The following NXPE2 variants were observed in gnomAD, a reference collection of about 807,000 sequenced individuals.
The protein encoded by NXPE2 is neurexophilin and PC-esterase domain family member 2, also known as NXPE family member 2.
NXPE2 carries 34 observed loss-of-function variants against 34.4 expected under a neutral mutation model. The ratio of observed to expected loss-of-function variants is 0.99; its 90% CI spans 0.75 to 1.31. The LOEUF is 1.31. Among genes scored for constraint, NXPE2 ranks in the 40% most tolerant of loss-of-function variants. NXPE2 has a pLI of 0.00. For synonymous variants in NXPE2, 235 were observed against 231.3 expected (o/e 1.02, Z -0.15); for missense variants, 649 against 672.5 (o/e 0.97, Z 0.39).
chr11:114,475,822 G>C, the NXPE2 span, among the ~76,000 whole-genome samples: 1 of 152,036 alleles, frequency 6.6e-6, no homozygotes. Context: ...ATCCAGTTTT[G>C]TAAAATGTCA....
the NXPE2 span, among the ~76,000 whole-genome samples, chr11:114,808,027 G>A: frequency 6.6e-6 from 1 of 152,146 alleles, no homozygotes; most frequent in East Asian, 1.9e-4. Context: ...CTAGAACCCA[G>A]GATTAAGAAA....
the NXPE2 span, among the ~76,000 whole-genome samples, chr11:114,480,709 A>T: frequency 3.3e-5 from 5 of 152,204 alleles, no homozygotes; most frequent in African/African-American, 1.2e-4. Flanking sequence ...ACCGTTGGTT[A>T]AAGTATTCAC....
the NXPE2 span, among the ~76,000 whole-genome samples, chr11:114,714,621 T>C: frequency 6.6e-6 from 1 of 152,246 alleles, no homozygotes; most frequent in African/African-American, 2.4e-5. Flanking sequence ...TCTGTTGGCT[T>C]CATTTTCAGG....
At chr11:114,807,906 C>T in the NXPE2 span, among the ~76,000 whole-genome samples, 1 of 152,220 alleles carries the variant, frequency 6.6e-6, no homozygotes, top group Non-Finnish European at 1.5e-5. Flanking sequence ...TTCATCACCA[C>T]ACCATGCCTA....
the NXPE2 span, chr11:114,513,307 G>T: frequency 4.4e-6 from 2 of 454,206 alleles, no homozygotes; most frequent in Admixed American, 5.2e-5. Context: ...GTCTGGGTGG[G>T]ATCAGCTGGT....
chr11:114,777,307 G>A, the NXPE2 span, among the ~76,000 whole-genome samples: 1 of 152,188 alleles, frequency 6.6e-6, no homozygotes, highest in East Asian at 1.9e-4. Context: ...AGTTCACTAT[G>A]GTGACCCAGG....
At chr11:114,727,833 C>G in the NXPE2 span, among the ~76,000 whole-genome samples, 1 of 142,032 alleles carries the variant, frequency 7.0e-6, no homozygotes, top group African/African-American at 2.6e-5. Context: ...TTCCCCTTCT[C>G]TTCCATTTGG....
At chr11:114,476,808 G>A in the NXPE2 span, among the ~76,000 whole-genome samples, 139 of 152,244 alleles carry the variant, frequency 9.1e-4, 2 homozygotes, top group East Asian at 0.026. Flanking sequence ...GATGAGATTT[G>A]GGTGGGGACA....
the NXPE2 span, among the ~76,000 whole-genome samples, chr11:114,742,473 A>G: frequency 6.6e-6 from 1 of 152,230 alleles, no homozygotes; most frequent in Non-Finnish European, 1.5e-5. Context: ...TGGCTGGGAA[A>G]GCTGAGTGCT....
At chr11:114,530,413 C>T in the NXPE2 span, 3 of 1,614,206 alleles carry the variant, frequency 1.9e-6, no homozygotes, top group Admixed American at 5.0e-5. Flanking sequence ...TTATCATAGC[C>T]TTGGTTCCTT....
At chr11:114,677,681 G>A (rs547363171), upstream of NXPE2, among the ~76,000 whole-genome samples, 5 of 152,156 alleles carry the variant, frequency 3.3e-5, no homozygotes, top group Admixed American at 6.6e-5. Context: ...TGGCTTAGAT[G>A]CAAACAAACA....
At chr11:114,705,141 A>G (rs1421951095) in intron 4 of NXPE2, among the ~76,000 whole-genome samples, 3 of 152,210 alleles carry the variant, frequency 2.0e-5, no homozygotes, top group Non-Finnish European at 4.4e-5. Flanking sequence ...GAGTCAGTAA[A>G]TACAGTTTAG....
the NXPE2 span, among the ~76,000 whole-genome samples, chr11:114,599,808 C>A: frequency 6.6e-6 from 1 of 152,146 alleles, no homozygotes; most frequent in Middle Eastern, 3.4e-3. Context: ...GAACTCTGCC[C>A]CCGTGATCCA....
At chr11:114,713,788 A>G in the NXPE2 span, among the ~76,000 whole-genome samples, 4 of 152,168 alleles carry the variant, frequency 2.6e-5, no homozygotes, top group Admixed American at 6.5e-5. Flanking sequence ...ATTCAAGTAC[A>G]AGTCTTGCTG....
chr11:114,653,848 C>A, the NXPE2 span, among the ~76,000 whole-genome samples: 4 of 152,036 alleles, frequency 2.6e-5, no homozygotes, highest in Non-Finnish European at 4.4e-5. Context: ...TCTTTTCTAC[C>A]TACCTCTAGA....
chr11:114,498,144 T>C, the NXPE2 span, among the ~76,000 whole-genome samples: 8 of 152,222 alleles, frequency 5.3e-5, no homozygotes, highest in East Asian at 1.5e-3. Flanking sequence ...TGCTGATTTT[T>C]GTATCTTCTT....
the NXPE2 span, chr11:114,582,341 AG>A: frequency 6.2e-7 from 1 of 1,603,778 alleles, no homozygotes; most frequent in Non-Finnish European, 8.5e-7. Flanking sequence ...TCTTGTTCTT[AG>A]AATACATGTG....
the NXPE2 span, among the ~76,000 whole-genome samples, chr11:114,741,499 C>T: frequency 2.0e-5 from 3 of 152,208 alleles, no homozygotes; most frequent in East Asian, 5.8e-4. Context: ...AGACTTTCTT[C>T]ACTCCTTTTT....
chr11:114,687,523 G>C (rs2135542772), intron 2 of NXPE2, among the ~76,000 whole-genome samples: 1 of 152,122 alleles, frequency 6.6e-6, no homozygotes, highest in South Asian at 2.1e-4. Context: ...TAACCTTGTA[G>C]TGAAGTATAA....
Sources: allele counts gnomAD v4.1 joint callset (sites outside exome capture counted in the v4.1 genomes callset), GRCh38; gene constraint gnomAD v4.1.1; transcripts MANE v1.5; gene names NCBI Gene and HGNC (gene_info 2026-07-23, HGNC 2026-07-21).